PARP16: variants seen among roughly 807,000 people sequenced by gnomAD.
PARP16 encodes protein mono-ADP-ribosyltransferase PARP16.
In PARP16, 31 loss-of-function variants were observed where a neutral mutation model predicts 35.0. The ratio of observed to expected loss-of-function variants is 0.88; its 90% CI spans 0.66 to 1.19. PARP16 has a LOEUF of 1.19. Ranked by LOEUF, PARP16 falls within the 50% of genes most tolerant of loss-of-function variation. The probability of loss-of-function intolerance (pLI) is 0.00; values close to 1 mark genes in which losing one functional copy is unlikely to be tolerated. For missense variants in PARP16, 424 were observed against 411.2 expected (o/e 1.03, Z -0.27); for synonymous variants, 162 against 169.5 (o/e 0.96, Z 0.34).
At chr15:65,239,150 G>T (rs993834730) in intron 3 of PARP16, among the ~76,000 whole-genome samples, 1 of 151,850 alleles carries the variant, frequency 6.6e-6, no homozygotes, top group East Asian at 1.9e-4. Flanking sequence ...AAGGAAGGCT[G>T]GGTGCGGTGG....
chr15:65,251,872 C>T (rs2089371568), intron 2 of PARP16, among the ~76,000 whole-genome samples: 1 of 152,080 alleles, frequency 6.6e-6, no homozygotes. Context: ...TCATGCCATT[C>T]TCCTGCCTCA....
intron 1 of PARP16, among the ~76,000 whole-genome samples, chr15:65,279,175 T>C (rs1026213337): frequency 3.9e-5 from 6 of 152,058 alleles, no homozygotes; most frequent in Admixed American, 6.6e-5. Context: ...CATCACCACG[T>C]CCAGTGATTA....
Position 65,259,348 on chromosome 15 carries a change from C to T in PARP16, c.*59G>A, listed in dbSNP as rs977202359. 5.7e-6 allele frequency: 9 copies of T among 1,585,366 alleles called. No individual in the cohort carries two copies. Among genetic ancestry groups the T allele is most frequent in the Admixed American group, 5.0e-5 (3 of 59,510 alleles). On this transcript the variant is annotated 3_prime_UTR_variant, in exon 6 of 6. Transcript: ENST00000649807. ...GGCTGGACATGAGGCATAGGAGGTA[C>T]AGAACAAGTTACCATAAGGCACATA...
At chr15:65,234,977 C>T (rs990725230) in intron 3 of PARP16, among the ~76,000 whole-genome samples, 2 of 151,614 alleles carry the variant, frequency 1.3e-5, no homozygotes, top group African/African-American at 2.4e-5. Flanking sequence ...GGTGAAACCC[C>T]GTCTCTACTA....
rs1466851681 is a variant in PARP16 at position 65,286,861 on chromosome 15, C to T, written c.-435G>A. On this transcript the variant is annotated 5_prime_UTR_variant, in exon 1 of 6. Transcript: ENST00000649807. ...AGCCCACTCTCCGCGACGGGCGAGG[C>T]TGCTGCGCCGCGCGCGCCTTCCTGC... The T allele has an allele frequency of 6.2e-6, 1 of 161,278 alleles. No homozygotes were observed. The highest frequency in any genetic ancestry group is 2.4e-5 in the African/African-American group (1 of 41,788). The allele number at this position is 161,278 out of a possible 1,614,324, so 10.0% of individuals were successfully genotyped here. A position where few individuals can be genotyped will look rare whatever the true frequency, so the allele number is the denominator to read the frequency against.
At chr15:65,261,647 G>A (rs1353731060) in intron 4 of PARP16, among the ~76,000 whole-genome samples, 1 of 151,524 alleles carries the variant, frequency 6.6e-6, no homozygotes, top group Non-Finnish European at 1.5e-5. Flanking sequence ...GTAGAAACGG[G>A]GTTTCACCAT....
chr15:65,255,728 G>A (rs2089482936), downstream of PARP16, among the ~76,000 whole-genome samples: 1 of 144,882 alleles, frequency 6.9e-6, no homozygotes, highest in South Asian at 2.2e-4. Flanking sequence ...TGTATGGGGT[G>A]GAGCAGAAAA....
intron 1 of PARP16, among the ~76,000 whole-genome samples, chr15:65,284,811 CTTT>C (rs35683940): frequency 1.2e-4 from 9 of 72,212 alleles, no homozygotes; most frequent in Non-Finnish European, 1.3e-4. Flanking sequence ...AATCCAACGT[CTTT>C]TTTTTTTTTT....
intron 2 of PARP16, among the ~76,000 whole-genome samples, chr15:65,267,383 G>A (rs1340219144): frequency 6.6e-6 from 1 of 151,790 alleles, no homozygotes; most frequent in East Asian, 2.0e-4. Context: ...CGAGGCAGGC[G>A]GATCATGAGG....
At chr15:65,256,034 G>C (rs1249244114), downstream of PARP16, among the ~76,000 whole-genome samples, 1 of 152,120 alleles carries the variant, frequency 6.6e-6, no homozygotes. Flanking sequence ...CTCCAATCCA[G>C]TAAATCCAAC....
downstream of PARP16, among the ~76,000 whole-genome samples, chr15:65,256,002 T>C (rs1210232860): frequency 6.6e-6 from 1 of 152,194 alleles, no homozygotes; most frequent in Non-Finnish European, 1.5e-5. Context: ...ACTGAAACTG[T>C]TCCTGCTGAG....
At chr15:65,254,896 G>A (rs571926369), downstream of PARP16, among the ~76,000 whole-genome samples, 3 of 152,130 alleles carry the variant, frequency 2.0e-5, no homozygotes, top group East Asian at 3.9e-4. Context: ...TCATACACTC[G>A]TGCACTTACT....
At chr15:65,232,243 CA>C (rs530963946), downstream of PARP16, among the ~76,000 whole-genome samples, 283 of 152,292 alleles carry the variant, frequency 1.9e-3, no homozygotes, top group African/African-American at 5.9e-3. Flanking sequence ...CTAGCTCACA[CA>C]TTCACTGAAG....
At chr15:65,232,679 G>C (rs1360960500), downstream of PARP16, among the ~76,000 whole-genome samples, 1 of 152,088 alleles carries the variant, frequency 6.6e-6, no homozygotes, top group Non-Finnish European at 1.5e-5. Context: ...GAGGCAGAAG[G>C]TTAGCTTGAG....
chr15:65,259,614 TCTGG>T, intron 5 of PARP16, 72 bp from the exon 6 acceptor site: 1 of 1,403,724 alleles, frequency 7.1e-7, no homozygotes, highest in East Asian at 2.3e-5. Context: ...GTACAACAAG[TCTGG>T]CTCTAAGAAG....
chr15:65,253,998 A>G (rs7173169), downstream of PARP16, among the ~76,000 whole-genome samples: 2,506 of 152,048 alleles, frequency 0.016, 79 homozygotes, highest in African/African-American at 0.058. Context: ...TTGTATTTTT[A>G]GTAGAGAAGG....
intron 2 of PARP16, among the ~76,000 whole-genome samples, chr15:65,267,468 G>A (rs1221878368): frequency 1.3e-4 from 20 of 150,716 alleles, no homozygotes; most frequent in African/African-American, 4.9e-4. Flanking sequence ...TTAGCCGGGC[G>A]TGGTGGTGGG....
intron 3 of PARP16, among the ~76,000 whole-genome samples, chr15:65,240,307 TG>T (rs2089024901): frequency 1.4e-5 from 1 of 70,456 alleles, no homozygotes; most frequent in Admixed American, 2.4e-4. Flanking sequence ...TGTGTGTGTG[TG>T]TGGTGGGGGG....
intron 1 of PARP16, among the ~76,000 whole-genome samples, chr15:65,282,962 C>T (rs915354592): frequency 1.3e-5 from 2 of 152,134 alleles, no homozygotes; most frequent in Admixed American, 6.6e-5. Flanking sequence ...TATATTCAAA[C>T]ATTACCTGCA....
Sources: allele counts gnomAD v4.1 joint callset (sites outside exome capture counted in the v4.1 genomes callset), GRCh38; gene constraint gnomAD v4.1.1; transcripts MANE v1.5; gene names NCBI Gene and HGNC (gene_info 2026-07-23, HGNC 2026-07-21).